Variants in COL5A2 observed in about 807,000 individuals in gnomAD.
The protein encoded by COL5A2 is collagen type V alpha 2 chain, also known as collagen alpha-2(V) chain.
Under a neutral mutation model 208.2 loss-of-function variants are expected in COL5A2, and 23 were observed. That is an observed-to-expected ratio of 0.11 (90% CI 0.08 to 0.16). COL5A2 has a LOEUF of 0.16. COL5A2 is among the 10% of genes least tolerant of loss of function. COL5A2 has a pLI of 1.00. For missense variants in COL5A2, 1,590 were observed against 1,956.4 expected, an observed-to-expected ratio of 0.81 and a Z score of 3.53; for synonymous variants, 625 against 628.5, an observed-to-expected ratio of 0.99 and a Z score of 0.08.
chr2:189,285,291 C>A, the COL5A2 span, among the ~76,000 whole-genome samples: 1 of 152,024 alleles, frequency 6.6e-6, no homozygotes, highest in Non-Finnish European at 1.5e-5. Flanking sequence ...TCAAAACTTT[C>A]CCCAAGGCTC....
chr2:189,191,750 T>G (rs959608390), intron 1 of COL5A2, among the ~76,000 whole-genome samples: 2 of 152,174 alleles, frequency 1.3e-5, no homozygotes, highest in African/African-American at 4.8e-5. Context: ...AATGTATATA[T>G]TTATCATTAT....
At chr2:189,429,253 G>A in the COL5A2 span, among the ~76,000 whole-genome samples, 2 of 152,072 alleles carry the variant, frequency 1.3e-5, no homozygotes, top group Non-Finnish European at 2.9e-5. Flanking sequence ...TCAATTTTTA[G>A]AAAGTGTTAA....
the COL5A2 span, among the ~76,000 whole-genome samples, chr2:189,420,866 A>C: frequency 1.3e-5 from 2 of 152,148 alleles, no homozygotes; most frequent in Admixed American, 1.3e-4. Flanking sequence ...TCAATTAAGG[A>C]CATTTCTGTT....
the COL5A2 span, among the ~76,000 whole-genome samples, chr2:189,230,708 T>C: frequency 3.1e-4 from 47 of 151,996 alleles, no homozygotes; most frequent in African/African-American, 1.1e-3. Context: ...TTAGCAAAGA[T>C]GTAGACAAAT....
intron 1 of COL5A2, among the ~76,000 whole-genome samples, chr2:189,121,395 A>T (rs1342609042): frequency 6.6e-6 from 1 of 151,926 alleles, no homozygotes; most frequent in African/African-American, 2.4e-5. Context: ...CCTCTCAACC[A>T]TGACTCTGAT....
intron 1 of COL5A2, among the ~76,000 whole-genome samples, chr2:189,168,539 G>A (rs1333194212): frequency 4.0e-5 from 6 of 151,544 alleles, no homozygotes; most frequent in Non-Finnish European, 8.8e-5. Context: ...ATCTGAGAAC[G>A]AAAGAATGAG....
At chr2:189,072,345 A>G (rs1300666125) in intron 17 of COL5A2, among the ~76,000 whole-genome samples, 2 of 152,242 alleles carry the variant, frequency 1.3e-5, no homozygotes, top group Non-Finnish European at 2.9e-5. Context: ...TAAGTCAATC[A>G]CAAACATAAA....
the COL5A2 span, among the ~76,000 whole-genome samples, chr2:189,293,298 G>A: frequency 6.6e-6 from 1 of 152,082 alleles, no homozygotes; most frequent in Admixed American, 6.5e-5. Flanking sequence ...CTGTGCAGAA[G>A]TCAGACCAGA....
chr2:189,439,087 C>T, the COL5A2 span, among the ~76,000 whole-genome samples: 3 of 152,196 alleles, frequency 2.0e-5, no homozygotes, highest in African/African-American at 7.2e-5. Flanking sequence ...CAGGTTATTT[C>T]AAATGTTACC....
At chr2:189,263,567 G>C in the COL5A2 span, among the ~76,000 whole-genome samples, 2 of 152,084 alleles carry the variant, frequency 1.3e-5, no homozygotes, top group African/African-American at 4.8e-5. Context: ...TAAAAGTGTA[G>C]AGTAATGCCC....
Position 189,203,534 on chromosome 2 carries a change from A to T in COL5A2, c.-42+21614T>A, listed in dbSNP as rs2882734. Among the ~76,000 whole-genome samples, 1,331 of 152,268 alleles carry T rather than the reference A, an allele frequency of 8.7e-3. 36 individuals carry two copies. The highest frequency in any genetic ancestry group is 0.051 in the Admixed American group (784 of 15,286). On this transcript the variant is annotated intron_variant, in intron 1 of 10. Transcript: ENST00000649966. The stretch of plus-strand genomic sequence containing the variant: ...CAAAGTGCCATTTTGATATTTTAAA[A>T]TTTTTTTACAGAATCTGTCATCTGT...
At chr2:189,035,467 T>C (rs1329438066) in intron 52 of COL5A2, among the ~76,000 whole-genome samples, 1 of 152,072 alleles carries the variant, frequency 6.6e-6, no homozygotes, top group Non-Finnish European at 1.5e-5. Context: ...CTCATTTTTA[T>C]TGCTAATTAT....
intron 47 of COL5A2, among the ~76,000 whole-genome samples, chr2:189,044,278 AT>A (rs1469031638): frequency 2.0e-5 from 3 of 152,154 alleles, no homozygotes; most frequent in African/African-American, 7.2e-5. Context: ...ATAGGAACCC[AT>A]TTATAATAAA....
rs763924705 is a variant in COL5A2 at position 189,110,256 on chromosome 2, T to C, written c.291A>G (p.Ser97=). ...TGGTATTGCCACCTCCAGGTGTTTG[T>C]GAACAGACAGGACAGCATTCCCCAG... is the stretch of plus-strand genomic sequence containing the variant. ...TPPGECCPVC[S]QTPGGGNTNF... Residue 97 remains serine, a synonymous_variant, in exon 2 of 54, where the codon TCA becomes TCG. Transcript: ENST00000374866. 10 of 1,614,084 alleles carry C rather than the reference T, an allele frequency of 6.2e-6. No homozygotes were observed. Among genetic ancestry groups the C allele is most frequent in the Non-Finnish European group, 5.9e-6 (7 of 1,179,992 alleles).
the COL5A2 span, among the ~76,000 whole-genome samples, chr2:189,424,304 T>C: frequency 6.6e-6 from 1 of 152,166 alleles, no homozygotes; most frequent in African/African-American, 2.4e-5. Flanking sequence ...ACCACTTTTA[T>C]TCAACATAGT....
the COL5A2 span, among the ~76,000 whole-genome samples, chr2:189,399,454 T>C: frequency 4.1e-3 from 625 of 152,158 alleles, 8 homozygotes; most frequent in Admixed American, 0.028. Flanking sequence ...GCTCACCATG[T>C]TGGCCAGGCT....
chr2:189,154,205 T>C (rs1688200561), intron 1 of COL5A2, among the ~76,000 whole-genome samples: 1 of 152,202 alleles, frequency 6.6e-6, no homozygotes, highest in East Asian at 1.9e-4. Context: ...AGAAACTCTA[T>C]TTTTTATTCT....
chr2:189,359,147 T>C, the COL5A2 span, among the ~76,000 whole-genome samples: 2 of 152,194 alleles, frequency 1.3e-5, no homozygotes, highest in South Asian at 2.1e-4. Flanking sequence ...GTCTTGTTCC[T>C]GATCTTGGAG....
the COL5A2 span, among the ~76,000 whole-genome samples, chr2:189,419,805 C>CAGAAA: frequency 2.9e-4 from 40 of 136,238 alleles, no homozygotes; most frequent in South Asian, 7.1e-4. Context: ...AGAAGAAAAA[C>CAGAAA]AGAAAAGAAA....
Sources: gnomAD v4.1 joint callset for allele counts (sites outside exome capture counted in the v4.1 genomes callset) on GRCh38, gnomAD v4.1.1 for gene constraint, MANE v1.5 for transcripts, NCBI Gene and HGNC (gene_info 2026-07-23, HGNC 2026-07-21) for gene names.